The following EPS15L1 variants were observed in gnomAD, a reference collection of about 807,000 sequenced individuals.
The protein encoded by EPS15L1 is epidermal growth factor receptor substrate 15-like 1.
In EPS15L1, 43 loss-of-function variants were observed where a neutral mutation model predicts 117.1. The ratio of observed to expected loss-of-function variants is 0.37; its 90% CI spans 0.29 to 0.47. EPS15L1 has a LOEUF of 0.47. EPS15L1 is among the 20% of genes least tolerant of loss of function. The probability of loss-of-function intolerance (pLI) is 0.99; values close to 1 mark genes in which losing one functional copy is unlikely to be tolerated. For synonymous variants in EPS15L1, 459 were observed against 470.5 expected, an observed-to-expected ratio of 0.98 and a Z score of 0.32; for missense variants, 981 against 1,164.0, an observed-to-expected ratio of 0.84 and a Z score of 2.29.
chr19:16,421,345 G>T lies in EPS15L1; in HGVS notation c.924C>A (p.Leu308=), dbSNP rs1477597129. ...ATATGTGTGCTAGAAGGTTCTGGGTGAGGCCCGAGTGCATGAAGATCTCCT... is the reference window on the plus strand; with the variant it reads ...ATATGTGTGCTAGAAGGTTCTGGGTTAGGCCCGAGTGCATGAAGATCTCCT... ...EVKEIFMHSG[L]TQNLLAHIWA... is the part of the protein sequence containing the mutation. Residue 308 remains leucine, a synonymous_variant, in exon 10 of 24, where the codon CTC becomes CTA. Coordinates refer to ENST00000455140, the MANE Select transcript of EPS15L1 (RefSeq NM_001258374.3). 10 of 1,612,900 alleles carry T rather than the reference G, an allele frequency of 6.2e-6. No individual in the cohort carries two copies. The highest frequency in any genetic ancestry group is 1.3e-5 in the African/African-American group (1 of 74,922).
intron 1 of EPS15L1, among the ~76,000 whole-genome samples, chr19:16,466,180 G>T (rs10408945): frequency 0.14 from 21,564 of 151,982 alleles, 1,568 homozygotes; most frequent in African/African-American, 0.17. Context: ...TAGAGACAGG[G>T]TTTCAGCATG....
intron 22 of EPS15L1, among the ~76,000 whole-genome samples, chr19:16,374,528 C>T (rs1398242654): frequency 6.6e-6 from 1 of 152,086 alleles, no homozygotes; most frequent in African/African-American, 2.4e-5. Flanking sequence ...GCTTTCGAAG[C>T]CCACAGTACA....
Position 16,361,869 on chromosome 19 carries a change from C to T in EPS15L1, c.2496G>A (p.Gly832=). The T allele has an allele frequency of 6.2e-7, 1 of 1,614,086 alleles. No individual in the cohort carries two copies. The highest frequency in any genetic ancestry group is 8.5e-7 in the Non-Finnish European group (1 of 1,180,008). Residue 832 remains glycine (G), a synonymous_variant, in exon 23 of 24, where the codon GGG becomes GGA. Coordinates refer to ENST00000455140, the MANE Select transcript of EPS15L1 (RefSeq NM_001258374.3). ...GDPFQSKKGF[G]DPFSGKDPFV... ...ATGGGTCTTTTCCACTAAACGGGTC[C>T]CCAAACCCCTTTTTACTTTGGAACG... is the stretch of plus-strand genomic sequence containing the variant.
At chr19:16,366,178 G>C (rs2092130701) in intron 22 of EPS15L1, among the ~76,000 whole-genome samples, 1 of 152,138 alleles carries the variant, frequency 6.6e-6, no homozygotes, top group Non-Finnish European at 1.5e-5. Flanking sequence ...CGGGCAGCAA[G>C]TCCAGGGTGG....
chr19:16,418,598 C>T (rs540715202), intron 10 of EPS15L1, among the ~76,000 whole-genome samples: 103 of 152,310 alleles, frequency 6.8e-4, no homozygotes, highest in Admixed American at 1.8e-3. Context: ...AAGAAAGAAT[C>T]AGCAACGACT....
intron 1 of EPS15L1, among the ~76,000 whole-genome samples, chr19:16,449,652 T>C (rs951474902): frequency 2.0e-5 from 3 of 152,140 alleles, no homozygotes; most frequent in African/African-American, 7.2e-5. Flanking sequence ...CCTGGGCATT[T>C]ACCCGGGAGA....
At chr19:16,369,843 G>A (rs1414487612) in intron 22 of EPS15L1, among the ~76,000 whole-genome samples, 1 of 152,214 alleles carries the variant, frequency 6.6e-6, no homozygotes, top group Non-Finnish European at 1.5e-5. Context: ...GGGCACCTTT[G>A]ACATACCCTG....
chr19:16,391,420 T>TA lies in EPS15L1; in HGVS notation c.2103+883_2103+884insT. Among the ~76,000 whole-genome samples the TA allele has an allele frequency of 2.0e-5, 3 of 152,236 alleles. No individual in the cohort carries two copies. In the Middle Eastern group the frequency reaches 0.01, roughly 518 times the overall value. On this transcript the variant is annotated intron_variant, in intron 19 of 23. Transcript: ENST00000455140. ...AAATACTGCAAATGAGTCTTTGCCT[T>TA]CAAGGAGCTTCAAGCGCTAAAGACC...
At chr19:16,358,965 G>C (rs2092017395) in intron 23 of EPS15L1, among the ~76,000 whole-genome samples, 1 of 152,194 alleles carries the variant, frequency 6.6e-6, no homozygotes, top group Admixed American at 6.5e-5. Context: ...AGAAATACCA[G>C]AGAGGGAAGA....
At chr19:16,412,746 G>C (rs2092719838) in intron 13 of EPS15L1, 1 of 267,364 alleles carries the variant, frequency 3.7e-6, no homozygotes, top group African/African-American at 2.3e-5. Context: ...GCCCTGGGAT[G>C]GGCAACCACA....
chr19:16,369,676 A>AGTGTGT (rs10543332), intron 22 of EPS15L1, among the ~76,000 whole-genome samples: 11,522 of 146,038 alleles, frequency 0.079, 708 homozygotes, highest in East Asian at 0.22. Flanking sequence ...AAGAAAAAAA[A>AGTGTGT]GTGTGTGTGT....
intron 19 of EPS15L1, among the ~76,000 whole-genome samples, chr19:16,387,549 G>C (rs2092432651): frequency 6.6e-6 from 1 of 152,260 alleles, no homozygotes; most frequent in African/African-American, 2.4e-5. Flanking sequence ...AGAGGTTGCA[G>C]TGAGCCGAGA....
chr19:16,395,532 T>A, intron 16 of EPS15L1, 65 bp from the exon 17 acceptor site: 5 of 1,507,572 alleles, frequency 3.3e-6, no homozygotes, highest in Non-Finnish European at 4.6e-6. Context: ...AAGTACGGAA[T>A]TCCATACTTA....
intron 22 of EPS15L1, among the ~76,000 whole-genome samples, chr19:16,367,661 T>G (rs978798817): frequency 4.0e-5 from 6 of 150,612 alleles, no homozygotes; most frequent in Admixed American, 6.6e-5. Flanking sequence ...CTAGCGTTCT[T>G]GGTCAGCAAA....
intron 10 of EPS15L1, 93 bp from the exon 11 acceptor site, chr19:16,418,197 C>T (rs576227615): frequency 1.7e-5 from 25 of 1,433,966 alleles, no homozygotes; most frequent in Middle Eastern, 2.2e-4. Context: ...AAAACGACAG[C>T]GACGAAAACA....
Position 16,436,980 on chromosome 19 carries a change from A to AGAG in EPS15L1, c.326_328dup (p.Pro109dup). 6.2e-7 allele frequency: 1 copy of AGAG among 1,614,130 alleles called. No individual in the cohort carries two copies. The highest frequency in any genetic ancestry group is 1.7e-5 in the Admixed American group (1 of 60,008). Reference sequence around the variant, plus strand: ...CTCTGCAGAGGGCGGTGTGACCATCAGAGGGCTGCTGGTGTCGTGCTGAGA... The same window carrying AGAG: ...CTCTGCAGAGGGCGGTGTGACCATCAGAGGAGGGCTGCTGGTGTCGTGCTGAGA... On this transcript the variant is annotated inframe_insertion, in exon 6 of 24. Transcript: ENST00000455140.
chr19:16,460,782 G>A (rs1843632373), intron 1 of EPS15L1, among the ~76,000 whole-genome samples: 1 of 152,192 alleles, frequency 6.6e-6, no homozygotes, highest in Non-Finnish European at 1.5e-5. Flanking sequence ...GGCCAATCGT[G>A]TCTGGGACCC....
intron 1 of EPS15L1, among the ~76,000 whole-genome samples, chr19:16,470,575 CT>C (rs988301845): frequency 2.1e-5 from 3 of 145,998 alleles, no homozygotes; most frequent in African/African-American, 7.6e-5. Flanking sequence ...CGGTAGGACA[CT>C]TAACAGTTTA....
At chr19:16,448,033 A>G (rs561853282) in intron 1 of EPS15L1, among the ~76,000 whole-genome samples, 24 of 152,368 alleles carry the variant, frequency 1.6e-4, no homozygotes, top group Admixed American at 1.5e-3. Flanking sequence ...GCACTGGAGC[A>G]ATCGGCATCC....
Sources: allele counts gnomAD v4.1 joint callset (sites outside exome capture counted in the v4.1 genomes callset), GRCh38; gene constraint gnomAD v4.1.1; transcripts MANE v1.5; gene names NCBI Gene and HGNC (gene_info 2026-07-23, HGNC 2026-07-21).